The following MMS22L variants were observed in gnomAD, a reference collection of about 807,000 sequenced individuals.
The protein encoded by MMS22L is MMS22 like, DNA repair protein.
A neutral mutation model predicts 159.1 loss-of-function variants in MMS22L; 74 were observed. The observed-to-expected ratio is 0.47, with a 90% CI of 0.39 to 0.56. MMS22L has a LOEUF of 0.56. Among genes scored for constraint, MMS22L ranks in the 20% least tolerant of loss-of-function variants. The probability of loss-of-function intolerance (pLI) is 0.00; values close to 1 mark genes in which losing one functional copy is unlikely to be tolerated. For synonymous variants in MMS22L, 517 were observed against 506.9 expected, an observed-to-expected ratio of 1.02 and a Z score of -0.27; for missense variants, 1,351 against 1,422.1, an observed-to-expected ratio of 0.95 and a Z score of 0.80.
chr6:97,246,094 T>G, intron 11 of MMS22L: 2 of 417,908 alleles, frequency 4.8e-6, no homozygotes, highest in Admixed American at 3.1e-5. Flanking sequence ...ACAGCATGTT[T>G]AAAACTATTT....
chr6:97,155,352 T>G (rs1003853190), intron 22 of MMS22L, among the ~76,000 whole-genome samples: 3 of 152,194 alleles, frequency 2.0e-5, no homozygotes, highest in Non-Finnish European at 4.4e-5. Context: ...CTGGGGTACA[T>G]GTGCACAACG....
At chr6:97,227,164 C>T (rs1014519765) in intron 14 of MMS22L, among the ~76,000 whole-genome samples, 3 of 109,344 alleles carry the variant, frequency 2.7e-5, no homozygotes, top group African/African-American at 8.8e-5. Context: ...TTGTAGGATA[C>T]GAACCTATGA....
chr6:97,214,283 T>C (rs771942597), intron 14 of MMS22L, among the ~76,000 whole-genome samples: 3 of 152,080 alleles, frequency 2.0e-5, no homozygotes, highest in Non-Finnish European at 2.9e-5. Flanking sequence ...AAATTCAAAA[T>C]AGCAGAAGTT....
intron 16 of MMS22L, 36 bp downstream of exon 16, chr6:97,181,868 T>G (rs779906134): frequency 6.3e-7 from 1 of 1,589,258 alleles, no homozygotes; most frequent in Non-Finnish European, 8.6e-7. Context: ...GTCACAGGTT[T>G]GCATTAATGT....
chr6:97,179,061 T>C (rs956459004), intron 17 of MMS22L, among the ~76,000 whole-genome samples: 3 of 152,096 alleles, frequency 2.0e-5, no homozygotes, highest in Admixed American at 1.3e-4. Flanking sequence ...GTGTTCACAG[T>C]GTGATATCTG....
intron 22 of MMS22L, among the ~76,000 whole-genome samples, chr6:97,158,936 G>A (rs535623162): frequency 9.2e-5 from 14 of 152,162 alleles, no homozygotes; most frequent in African/African-American, 3.4e-4. Flanking sequence ...TATTGTGTGG[G>A]AGTGTAAGTC....
chr6:97,151,495 C>T (rs1313694806), intron 23 of MMS22L: 4 of 350,776 alleles, frequency 1.1e-5, no homozygotes, highest in African/African-American at 8.5e-5. Context: ...CAGAACTTAT[C>T]CCTATCGTTA....
rs1807831786 is a variant in MMS22L at position 97,206,750 on chromosome 6, AAG to A, written c.2040-20062_2040-20061del. On this transcript the variant is annotated intron_variant, in intron 14 of 24. Transcript: ENST00000683635. ...TTCAATACCATCTAAACATGGCTAAAAGAGACACTAAACGCCCATCATAAGGA... is the reference window on the plus strand; with the variant it reads ...TTCAATACCATCTAAACATGGCTAAAAGACACTAAACGCCCATCATAAGGA... Among the ~76,000 whole-genome samples the A allele has an allele frequency of 3.3e-5, 5 of 152,144 alleles. No individual in the cohort carries two copies. The South Asian group carries it at 1.0e-3, about 31-fold the overall frequency.
chr6:97,258,265 T>G (rs146010899), intron 9 of MMS22L, among the ~76,000 whole-genome samples: 1 of 152,256 alleles, frequency 6.6e-6, no homozygotes, highest in East Asian at 1.9e-4. Context: ...CTGACTCTCA[T>G]GTCCTTCTGA....
intron 14 of MMS22L, among the ~76,000 whole-genome samples, chr6:97,198,161 T>C (rs958369927): frequency 1.3e-5 from 2 of 152,058 alleles, no homozygotes; most frequent in Non-Finnish European, 2.9e-5. Flanking sequence ...ATGTAGGAAG[T>C]CCAATGACCC....
intron 15 of MMS22L, among the ~76,000 whole-genome samples, chr6:97,183,248 C>T (rs576170194): frequency 6.6e-6 from 1 of 152,296 alleles, no homozygotes; most frequent in South Asian, 2.1e-4. Context: ...CTCCTTGTCT[C>T]CATGCCTTCC....
intron 13 of MMS22L, among the ~76,000 whole-genome samples, chr6:97,229,966 C>T (rs1466031427): frequency 6.6e-6 from 1 of 152,164 alleles, no homozygotes; most frequent in Non-Finnish European, 1.5e-5. Context: ...CTATTTAATA[C>T]AATAGTTGAC....
chr6:97,219,666 T>G (rs1204284711), intron 14 of MMS22L, among the ~76,000 whole-genome samples: 1 of 152,146 alleles, frequency 6.6e-6, no homozygotes, highest in Non-Finnish European at 1.5e-5. Context: ...TGTTGGTAAA[T>G]GAAAGAGGGT....
chr6:97,223,537 C>T (rs7746244), intron 14 of MMS22L, among the ~76,000 whole-genome samples: 9,325 of 152,128 alleles, frequency 0.061, 432 homozygotes, highest in African/African-American at 0.13. Flanking sequence ...CAGTATATGG[C>T]ATATCTAAAA....
chr6:97,147,140 A>C (rs112304064), intron 24 of MMS22L, among the ~76,000 whole-genome samples: 3 of 152,140 alleles, frequency 2.0e-5, no homozygotes, highest in African/African-American at 7.2e-5. Context: ...AAGTTCATTA[A>C]CCTTCCGAAA....
rs181595919 is a variant in MMS22L at position 97,194,028 on chromosome 6, T to C, written c.2040-7338A>G. ...TGCCCACCTTGGCCTCCCAAAGTGC[T>C]GGGATTACAGGCGTGAGCCACCGTG... On this transcript the variant is annotated intron_variant, in intron 14 of 24. Transcript: ENST00000683635. Among the ~76,000 whole-genome samples the C allele has an allele frequency of 2.8e-3, 429 of 151,878 alleles. 1 individual carries two copies. The highest frequency in any genetic ancestry group is 0.01 in the African/African-American group (415 of 41,292).
intron 14 of MMS22L, among the ~76,000 whole-genome samples, chr6:97,196,960 G>A (rs1429293301): frequency 6.6e-6 from 1 of 152,060 alleles, no homozygotes; most frequent in Non-Finnish European, 1.5e-5. Context: ...GTGAGCATGG[G>A]CAGAGCTACC....
chr6:97,173,011 T>C lies in MMS22L; in HGVS notation c.2839+52A>G, dbSNP rs1803707818. ...TATATACCTATCCATCATGATAGTA[T>C]AGGCTCAACCTAAGGAAATGTTACT... On this transcript the variant is annotated intron_variant, in intron 19 of 24. Coordinates refer to ENST00000683635, the MANE Select transcript of MMS22L (RefSeq NM_001350599.2). 4.5e-6 allele frequency: 7 copies of C among 1,569,068 alleles called. No homozygotes were observed. In the South Asian group the frequency reaches 8.3e-5, roughly 19 times the overall value.
At chr6:97,203,930 TAACAAGTA>T (rs1249326505) in intron 14 of MMS22L, among the ~76,000 whole-genome samples, 1 of 152,180 alleles carries the variant, frequency 6.6e-6, no homozygotes, top group East Asian at 1.9e-4. Context: ...TAATGCATAT[TAACAAGTA>T]AACAATATAT....
Sources: allele counts gnomAD v4.1 joint callset (sites outside exome capture counted in the v4.1 genomes callset), GRCh38; gene constraint gnomAD v4.1.1; transcripts MANE v1.5; gene names NCBI Gene and HGNC (gene_info 2026-07-23, HGNC 2026-07-21).